CDYL: variants seen among roughly 807,000 people sequenced by gnomAD.
CDYL encodes chromodomain Y like.
A neutral mutation model predicts 47.3 loss-of-function variants in CDYL; 8 were observed. That is an observed-to-expected ratio of 0.17 (90% CI 0.10 to 0.31). The LOEUF (loss-of-function observed/expected upper bound fraction) is 0.31, where lower values mean the gene tolerates loss of function less well. CDYL is among the 10% of genes least tolerant of loss of function. CDYL has a pLI of 1.00. For missense variants in CDYL, 471 were observed against 701.4 expected (o/e 0.67, Z 3.71); for synonymous variants, 266 against 265.0 (o/e 1.00, Z -0.04).
Position 4,955,058 on chromosome 6 carries a change from TG to T in CDYL, c.*1003del, listed in dbSNP as rs1758826061. ...AAAATTCTTTTGGCACACTATTAAA[TG>T]CAAAAACTCCTTTCAAAACAAAAAA... is the stretch of plus-strand genomic sequence containing the variant. On this transcript the variant is annotated 3_prime_UTR_variant, in exon 7 of 7. Coordinates refer to ENST00000397588, the MANE Select transcript of CDYL (RefSeq NM_004824.4). 1 of 152,656 alleles carries T rather than the reference TG, an allele frequency of 6.6e-6. No individual in the cohort carries two copies. Among genetic ancestry groups the T allele is most frequent in the Non-Finnish European group, 1.5e-5 (1 of 68,038 alleles). The allele number at this position is 152,656 out of a possible 1,614,324, so 9.5% of individuals were successfully genotyped here. A position where few individuals can be genotyped will look rare whatever the true frequency, so the allele number is the denominator to read the frequency against.
intron 1 of CDYL, among the ~76,000 whole-genome samples, chr6:4,849,467 C>T (rs1433449670): frequency 3.9e-5 from 6 of 152,088 alleles, no homozygotes; most frequent in Admixed American, 2.6e-4. Flanking sequence ...CTGAGCAGCA[C>T]GATAATTCGT....
chr6:4,894,882 T>TATACACACAC (rs1561692322), intron 2 of CDYL, among the ~76,000 whole-genome samples: 3 of 141,840 alleles, frequency 2.1e-5, no homozygotes, highest in African/African-American at 9.2e-5. Context: ...CACATGTGTA[T>TATACACACAC]GTGTGTGTAT....
At chr6:4,901,616 T>G (rs1034137679) in intron 2 of CDYL, among the ~76,000 whole-genome samples, 1 of 152,232 alleles carries the variant, frequency 6.6e-6, no homozygotes, top group Non-Finnish European at 1.5e-5. Flanking sequence ...GAAACTAGAC[T>G]CTACGTTAGA....
chr6:4,766,088 TA>T (rs1485609715), intron 3 of CDYL, among the ~76,000 whole-genome samples: 1 of 152,226 alleles, frequency 6.6e-6, no homozygotes, highest in Non-Finnish European at 1.5e-5. Flanking sequence ...GGAATATTAT[TA>T]GAGATCCTAC....
intron 1 of CDYL, among the ~76,000 whole-genome samples, chr6:4,819,831 C>T (rs570429163): frequency 6.6e-6 from 1 of 150,966 alleles, no homozygotes; most frequent in Admixed American, 6.5e-5. Context: ...GCCAGGGATT[C>T]TGCTGAACAT....
intron 2 of CDYL, among the ~76,000 whole-genome samples, chr6:4,901,477 A>C (rs991668174): frequency 6.6e-6 from 1 of 152,130 alleles, no homozygotes; most frequent in Admixed American, 6.5e-5. Flanking sequence ...CGAGCATGCT[A>C]TTCTGGTGCC....
intron 3 of CDYL, among the ~76,000 whole-genome samples, chr6:4,771,369 C>A (rs1043752369): frequency 1.3e-5 from 2 of 152,142 alleles, no homozygotes; most frequent in African/African-American, 4.8e-5. Flanking sequence ...CTGCCTTGGC[C>A]TCCTAAAGTT....
chr6:4,728,395 T>G (rs1757551222), intron 2 of CDYL, among the ~76,000 whole-genome samples: 1 of 152,178 alleles, frequency 6.6e-6, no homozygotes, highest in African/African-American at 2.4e-5. Context: ...CTCTTCAGCC[T>G]CAGGTTCCTC....
At chr6:4,865,024 T>G (rs1291696258) in intron 1 of CDYL, among the ~76,000 whole-genome samples, 5 of 152,334 alleles carry the variant, frequency 3.3e-5, no homozygotes, top group Admixed American at 3.3e-4. Flanking sequence ...ATTCTCCATT[T>G]TAAAGTTTAA....
chr6:4,820,759 G>A (rs1337552088), intron 1 of CDYL, among the ~76,000 whole-genome samples: 1 of 152,228 alleles, frequency 6.6e-6, no homozygotes, highest in African/African-American at 2.4e-5. Flanking sequence ...CAAGATGACT[G>A]AGATACCTTA....
intron 1 of CDYL, among the ~76,000 whole-genome samples, chr6:4,841,819 G>A (rs1760497667): frequency 6.6e-6 from 1 of 151,548 alleles, no homozygotes; most frequent in African/African-American, 2.4e-5. Context: ...CTATCATATG[G>A]GCTATCTTGG....
intron 1 of CDYL, among the ~76,000 whole-genome samples, chr6:4,864,100 G>T (rs1053242893): frequency 1.1e-4 from 16 of 152,214 alleles, no homozygotes; most frequent in South Asian, 2.1e-4. Context: ...ATAGAAGTAT[G>T]AAGATGGAGC....
chr6:4,810,623 A>C (rs1204044869), intron 1 of CDYL, among the ~76,000 whole-genome samples: 1 of 152,232 alleles, frequency 6.6e-6, no homozygotes. Context: ...AGCTGTAACA[A>C]AATACTATAA....
intron 1 of CDYL, among the ~76,000 whole-genome samples, chr6:4,791,344 C>A (rs1758910953): frequency 6.6e-6 from 1 of 152,204 alleles, no homozygotes; most frequent in South Asian, 2.1e-4. Flanking sequence ...GTGTGAGAAA[C>A]CACTTTTGAT....
chr6:4,733,698 T>C (rs992064130), intron 2 of CDYL, among the ~76,000 whole-genome samples: 3 of 152,144 alleles, frequency 2.0e-5, no homozygotes, highest in African/African-American at 7.2e-5. Flanking sequence ...AGGCAAAGAT[T>C]AATTTTATAT....
intron 3 of CDYL, among the ~76,000 whole-genome samples, chr6:4,753,848 C>T (rs1337063923): frequency 1.3e-5 from 2 of 152,180 alleles, no homozygotes; most frequent in East Asian, 3.8e-4. Context: ...TCCCTCTTTG[C>T]TCTGGCCACT....
Position 4,831,066 on chromosome 6 carries a change from T to G in CDYL, c.24+54259T>G, listed in dbSNP as rs987649275. ...GTGAATAGTGCCGCAATAAACATAC[T>G]TGTGCATGTGTCTTTATAGCAGCAT... On this transcript the variant is annotated intron_variant, in intron 1 of 6. Coordinates refer to ENST00000397588, the MANE Select transcript of CDYL (RefSeq NM_004824.4). Among the ~76,000 whole-genome samples the G allele has an allele frequency of 7.2e-5, 11 of 152,032 alleles. No homozygotes were observed. In the South Asian group the frequency reaches 1.0e-3, roughly 14 times the overall value.
chr6:4,741,364 A>G (rs185723883), intron 3 of CDYL, among the ~76,000 whole-genome samples: 136 of 152,332 alleles, frequency 8.9e-4, no homozygotes, highest in African/African-American at 3.2e-3. Context: ...TCAGCTTCAT[A>G]GCATAAAACT....
chr6:4,722,237 G>C (rs905637318), intron 2 of CDYL, among the ~76,000 whole-genome samples: 6 of 151,656 alleles, frequency 4.0e-5, no homozygotes, highest in Middle Eastern at 3.4e-3. Flanking sequence ...AGGCCAATGG[G>C]GGGAGGAACA....
Sources: allele counts gnomAD v4.1 joint callset (sites outside exome capture counted in the v4.1 genomes callset), GRCh38; gene constraint gnomAD v4.1.1; transcripts MANE v1.5; gene names NCBI Gene and HGNC (gene_info 2026-07-23, HGNC 2026-07-21).